C10orf90: variants seen among roughly 807,000 people sequenced by gnomAD.
C10orf90 encodes the protein chromosome 10 open reading frame 90.
In C10orf90, 56 loss-of-function variants were observed where a neutral mutation model predicts 62.5. That is an observed-to-expected ratio of 0.90 (90% CI 0.72 to 1.12). The LOEUF (loss-of-function observed/expected upper bound fraction) is 1.12. C10orf90 is among the 50% of genes most tolerant of loss of function. C10orf90 has a pLI of 0.00. For synonymous variants in C10orf90, 386 were observed against 340.4 expected, an observed-to-expected ratio of 1.13 and a Z score of -1.47; for missense variants, 970 against 880.4, an observed-to-expected ratio of 1.10 and a Z score of -1.29.
chr10:126,513,786 G>C lies in C10orf90; in HGVS notation c.405+62C>G, dbSNP rs796943547. 18 of 1,043,988 alleles carry C rather than the reference G, an allele frequency of 1.7e-5. No homozygotes were observed. The African/African-American group carries it at 2.7e-4, about 16-fold the overall frequency. 64.7% of individuals were successfully genotyped at this position (1,043,988 alleles called of 1,614,324 possible). ...GCAATCACATCACAAGTAGGTCAGT[G>C]ATTATATTTTATAGATGGGTGCATT... On this transcript the variant is annotated intron_variant, in intron 3 of 9. Transcript: ENST00000488181.
At chr10:126,649,599 A>G (rs1846251834) in intron 1 of C10orf90, among the ~76,000 whole-genome samples, 1 of 152,142 alleles carries the variant, frequency 6.6e-6, no homozygotes. Context: ...TTGCCTTCAA[A>G]CCAAGGTCAG....
chr10:126,547,063 C>T lies in C10orf90; in HGVS notation c.314-33124G>A, dbSNP rs772977394. 2.6e-5 allele frequency among the ~76,000 whole-genome samples: 4 copies of T among 151,982 alleles called. No homozygotes were observed. The South Asian group carries it at 6.2e-4, about 24-fold the overall frequency. Reference sequence around the variant, plus strand: ...GGTGGAGATTGCAATGAGCCAAGATCGTGCTACTGCACTCCAGACTGGGCA... The same window carrying T: ...GGTGGAGATTGCAATGAGCCAAGATTGTGCTACTGCACTCCAGACTGGGCA... On this transcript the variant is annotated intron_variant, in intron 2 of 9. Transcript: ENST00000488181.
At chr10:126,445,670 AC>A (rs1858717295) in intron 7 of C10orf90, among the ~76,000 whole-genome samples, 1 of 152,128 alleles carries the variant, frequency 6.6e-6, no homozygotes, top group Non-Finnish European at 1.5e-5. Context: ...CTGGGTATTT[AC>A]CCAGAGGAAA....
chr10:126,666,750 G>A (rs576073403), intron 1 of C10orf90, among the ~76,000 whole-genome samples: 52 of 152,088 alleles, frequency 3.4e-4, no homozygotes, highest in African/African-American at 1.0e-3. Context: ...AGATCAAGGC[G>A]GGCGGATCAT....
rs35029008 is a variant in C10orf90, at chr10:126,596,376, TAAA to T, written c.313+50186_313+50188del. 5.9e-5 allele frequency among the ~76,000 whole-genome samples: 8 copies of T among 135,574 alleles called. No homozygotes were observed. The Admixed American group carries it at 6.0e-4, about 10-fold the overall frequency. The allele number at this position is 135,574 out of a possible 152,430, so 88.9% of individuals were successfully genotyped here. ...TTGTGCTCCTTGAAAGACACTTATT[TAAA>T]AAAAAAAAACAACAACAAACAAAAA... On this transcript the variant is annotated intron_variant, in intron 2 of 9. Coordinates refer to ENST00000488181, the MANE Select transcript of C10orf90 (RefSeq NM_001350921.2).
intron 2 of C10orf90, among the ~76,000 whole-genome samples, chr10:126,535,489 C>T (rs967455959): frequency 2.7e-5 from 4 of 149,852 alleles, no homozygotes; most frequent in Non-Finnish European, 5.9e-5. Flanking sequence ...TGCACTCCAG[C>T]CTGGGCAACA....
chr10:126,556,036 A>C (rs1273170176), intron 2 of C10orf90, among the ~76,000 whole-genome samples: 1 of 152,224 alleles, frequency 6.6e-6, no homozygotes. Flanking sequence ...ACGTTAACCA[A>C]AATTGGTGAA....
In C10orf90 at chr10:126,504,973, A is replaced by G; in HGVS notation, c.518T>C (p.Ile173Thr). 6.2e-7 allele frequency: 1 copy of G among 1,614,252 alleles called. No individual in the cohort carries two copies. Among genetic ancestry groups the G allele is most frequent in the Non-Finnish European group, 8.5e-7 (1 of 1,180,042 alleles). Residue 173 changes from isoleucine (I) to threonine (T), a missense_variant, in exon 4 of 10, where the codon ATT becomes ACT. Coordinates refer to ENST00000488181, the MANE Select transcript of C10orf90 (RefSeq NM_001350921.2). This position sits in a 1 kb window ranked among gnomAD's most constrained non-coding sequence, Gnocchi z 4.1. The stretch of plus-strand genomic sequence containing the variant: ...GGCGTGATGTGCACGAGACTGAGCA[A>G]TGGCACACGGTAGGGGCAAGGAGGC... ...NRASLPLPCA[I>T]AQSRAHHAKQ...
chr10:126,551,430 G>A (rs1864627089), intron 2 of C10orf90, among the ~76,000 whole-genome samples: 3 of 152,114 alleles, frequency 2.0e-5, no homozygotes, highest in Admixed American at 2.0e-4. Flanking sequence ...TTTTCCCCAA[G>A]TACACTTCAT....
At chr10:126,427,203 G>A (rs1857315894) in intron 8 of C10orf90, among the ~76,000 whole-genome samples, 1 of 152,226 alleles carries the variant, frequency 6.6e-6, no homozygotes, top group South Asian at 2.1e-4. Context: ...ATGAATGCAT[G>A]AAGAAAAGAA....
chr10:126,523,488 A>G (rs535167444), intron 2 of C10orf90: 1 of 152,134 alleles, frequency 6.6e-6, no homozygotes, highest in South Asian at 2.1e-4. Context: ...AGTCTTGAGG[A>G]GATGACACAC....
At chr10:126,527,957 C>T (rs2437849) in intron 2 of C10orf90, among the ~76,000 whole-genome samples, 2 of 152,112 alleles carry the variant, frequency 1.3e-5, no homozygotes, top group Admixed American at 6.5e-5. Flanking sequence ...GTTAATGATG[C>T]TAGTTACTAT....
intron 4 of C10orf90, among the ~76,000 whole-genome samples, chr10:126,490,062 A>ATGT (rs1460058559): frequency 5.3e-5 from 6 of 112,880 alleles, no homozygotes; most frequent in African/African-American, 1.0e-4. Context: ...ATGTTATATA[A>ATGT]TATATAATAT....
intron 7 of C10orf90, among the ~76,000 whole-genome samples, chr10:126,455,745 C>T (rs930368634): frequency 6.6e-6 from 1 of 152,202 alleles, no homozygotes. Context: ...CTCTAGAGTT[C>T]CCAGTTGTTC....
chr10:126,581,106 AAC>A (rs1399239521), intron 2 of C10orf90, among the ~76,000 whole-genome samples: 3 of 152,192 alleles, frequency 2.0e-5, no homozygotes, highest in Admixed American at 1.3e-4. Flanking sequence ...AAATCCCGGA[AAC>A]ACACACTGTG....
chr10:126,599,331 G>A (rs1231619625), intron 2 of C10orf90, among the ~76,000 whole-genome samples: 8 of 151,688 alleles, frequency 5.3e-5, no homozygotes, highest in African/African-American at 1.9e-4. Flanking sequence ...GACTACAGGC[G>A]CCTGCCACTG....
chr10:126,579,993 C>A (rs1274188505), intron 2 of C10orf90, among the ~76,000 whole-genome samples: 2 of 152,124 alleles, frequency 1.3e-5, no homozygotes, highest in East Asian at 3.9e-4. Flanking sequence ...TCTACCTGGG[C>A]ATGATTTTCA....
intron 4 of C10orf90, among the ~76,000 whole-genome samples, chr10:126,479,378 A>C (rs546134869): frequency 6.6e-6 from 1 of 152,352 alleles, no homozygotes; most frequent in African/African-American, 2.4e-5. Context: ...GTTGGGGAAG[A>C]AAATCCAGTA....
chr10:126,567,646 G>T (rs1156648341), intron 2 of C10orf90, among the ~76,000 whole-genome samples: 1 of 152,150 alleles, frequency 6.6e-6, no homozygotes, highest in Non-Finnish European at 1.5e-5. Flanking sequence ...ACAGAAAGGG[G>T]TGTCCTTGAG....
Sources: gnomAD v4.1 joint callset for allele counts (sites outside exome capture counted in the v4.1 genomes callset) on GRCh38, gnomAD v4.1.1 for gene constraint, Gnocchi (gnomAD v3.1) non-coding constraint, MANE v1.5 for transcripts, NCBI Gene and HGNC (gene_info 2026-07-23, HGNC 2026-07-21) for gene names.